DHRSX: variants seen among roughly 807,000 people sequenced by gnomAD.
DHRSX encodes polyprenol dehydrogenase.
A neutral mutation model predicts 34.0 loss-of-function variants in DHRSX; 31 were observed. The observed-to-expected ratio is 0.91, with a 90% CI of 0.69 to 1.23. The LOEUF is 1.23. DHRSX is among the 50% of genes most tolerant of loss of function. The pLI, the probability that DHRSX is intolerant of heterozygous loss-of-function variation, is 0.00. For synonymous variants in DHRSX, 201 were observed against 183.8 expected, an observed-to-expected ratio of 1.09 and a Z score of -0.76; for missense variants, 414 against 428.1, an observed-to-expected ratio of 0.97 and a Z score of 0.29.
chrX:2,431,100 T>A lies in DHRSX; in HGVS notation c.110-5796A>T, dbSNP rs754680527. Reference sequence around the variant, plus strand: ...CAGCACTTTGGGAGGCCGAGGCGGGTGGATCACGAGGTCAGGAGATCGACA... The same window carrying A: ...CAGCACTTTGGGAGGCCGAGGCGGGAGGATCACGAGGTCAGGAGATCGACA... On this transcript the variant is annotated intron_variant, in intron 1 of 6. Coordinates refer to ENST00000334651, the MANE Select transcript of DHRSX (RefSeq NM_145177.3). Among the ~76,000 whole-genome samples the A allele has an allele frequency of 6.6e-5, 10 of 151,196 alleles. No individual in the cohort carries two copies. The South Asian group carries it at 1.9e-3, about 28-fold the overall frequency.
chrX:2,264,258 CCAG>C (rs1175101884), intron 5 of DHRSX, among the ~76,000 whole-genome samples: 2 of 151,562 alleles, frequency 1.3e-5, no homozygotes, highest in African/African-American at 4.9e-5. Flanking sequence ...GCACCGCTAC[CCAG>C]CAGAAGCAGG....
intron 3 of DHRSX, among the ~76,000 whole-genome samples, chrX:2,341,905 A>C (rs1048473148): frequency 4.6e-5 from 7 of 152,092 alleles, no homozygotes; most frequent in Non-Finnish European, 1.0e-4. Flanking sequence ...CCTGGGTTCA[A>C]GTAACTCTCC....
chrX:2,328,750 T>G (rs35452537), intron 3 of DHRSX, among the ~76,000 whole-genome samples: 7,676 of 152,230 alleles, frequency 0.05, 680 homozygotes, highest in African/African-American at 0.17. Context: ...GCCTGTAGTA[T>G]TTTGTCATGG....
intron 1 of DHRSX, among the ~76,000 whole-genome samples, chrX:2,462,519 G>T (rs1479656399): frequency 1.5e-5 from 2 of 132,204 alleles, no homozygotes; most frequent in Non-Finnish European, 3.1e-5. Flanking sequence ...TGGGCAACAA[G>T]AGCAAAACTC....
intron 3 of DHRSX, among the ~76,000 whole-genome samples, chrX:2,354,927 G>A (rs2042830695): frequency 6.6e-6 from 1 of 152,102 alleles, no homozygotes; most frequent in South Asian, 2.1e-4. Flanking sequence ...ATGCCCGTAT[G>A]GAGGGAAAAT....
chrX:2,304,204 A>AATGGATGGATGGATGG (rs374906907), intron 3 of DHRSX, among the ~76,000 whole-genome samples: 1 of 62,048 alleles, frequency 1.6e-5, no homozygotes, highest in Admixed American at 1.8e-4. Context: ...TGGATGGATA[A>AATGGATGGATGGATGG]ATGGATGGAT....
intron 1 of DHRSX, among the ~76,000 whole-genome samples, chrX:2,456,634 G>T (rs1427529046): frequency 7.0e-6 from 1 of 142,302 alleles, no homozygotes; most frequent in Non-Finnish European, 1.5e-5. Flanking sequence ...AAAAAAAACA[G>T]CTGGATGAAG....
intron 3 of DHRSX, among the ~76,000 whole-genome samples, chrX:2,360,382 A>C (rs1243582175): frequency 6.6e-6 from 1 of 152,154 alleles, no homozygotes; most frequent in African/African-American, 2.4e-5. Flanking sequence ...CAGGAGTTCA[A>C]GACCAGCCTG....
intron 1 of DHRSX, among the ~76,000 whole-genome samples, chrX:2,481,168 T>C (rs2044765137): frequency 1.3e-5 from 2 of 152,294 alleles, no homozygotes; most frequent in African/African-American, 4.8e-5. Context: ...ACGTCGTACC[T>C]CCTATATATG....
intron 6 of DHRSX, among the ~76,000 whole-genome samples, chrX:2,234,122 C>T (rs1284429316): frequency 4.6e-5 from 7 of 152,220 alleles, no homozygotes; most frequent in Non-Finnish European, 1.0e-4. Context: ...TCCATGCACA[C>T]AGCTGGATCC....
intron 4 of DHRSX, among the ~76,000 whole-genome samples, chrX:2,282,450 T>G (rs913590157): frequency 4.6e-3 from 387 of 84,220 alleles, no homozygotes; most frequent in Middle Eastern, 0.021. Flanking sequence ...GGAGGAGAGA[T>G]GGGGGAAGGA....
At chrX:2,340,399 TC>T (rs932649898) in intron 3 of DHRSX, among the ~76,000 whole-genome samples, 1 of 152,032 alleles carries the variant, frequency 6.6e-6, no homozygotes, top group Non-Finnish European at 1.5e-5. Context: ...GTTAATTCAT[TC>T]TTTTTTGTGG....
rs1395540710 is a variant in DHRSX at position 2,445,974 on chromosome X, G to A, written c.110-20670C>T. On this transcript the variant is annotated intron_variant, in intron 1 of 6. Coordinates refer to ENST00000334651, the MANE Select transcript of DHRSX (RefSeq NM_145177.3). ...TTCCTAAGAATGTGGTCAAGGGACC[G>A]CACTGAAGACGTTCCCTAAGAATGC... 4.1e-5 allele frequency among the ~76,000 whole-genome samples: 6 copies of A among 145,138 alleles called. 1 individual carries two copies. The highest frequency in any genetic ancestry group is 1.0e-4 in the African/African-American group (4 of 39,240).
chrX:2,358,948 C>CG (rs2042892481), intron 3 of DHRSX, among the ~76,000 whole-genome samples: 3 of 119,062 alleles, frequency 2.5e-5, no homozygotes, highest in South Asian at 2.6e-4. Flanking sequence ...GACTCTGTCT[C>CG]GGAAAAAAAA....
chrX:2,260,595 G>A (rs67528609), intron 5 of DHRSX, among the ~76,000 whole-genome samples: 38,380 of 151,768 alleles, frequency 0.25, 6,346 homozygotes, highest in African/African-American at 0.45. Context: ...GAGTACCTGG[G>A]ATTACAGACG....
At chrX:2,360,316 G>A (rs1348577835) in intron 3 of DHRSX, among the ~76,000 whole-genome samples, 4 of 152,164 alleles carry the variant, frequency 2.6e-5, no homozygotes, top group Non-Finnish European at 5.9e-5. Context: ...CAGGCGTGGT[G>A]GCTCACGCCT....
Position 2,476,237 on chromosome X carries a change from C to A in DHRSX, c.109+24580G>T, listed in dbSNP as rs1472458493. Among the ~76,000 whole-genome samples the A allele has an allele frequency of 6.0e-5, 8 of 133,968 alleles. 1 individual carries two copies. In the East Asian group the frequency reaches 1.6e-3, roughly 26 times the overall value. 87.9% of individuals were successfully genotyped at this position (133,968 alleles called of 152,430 possible). On this transcript the variant is annotated intron_variant, in intron 1 of 6. Transcript: ENST00000334651. ...ACCCTGTCTCTACTAAAAACACACA[C>A]ACAAAAAAAAATTAGCCAGGCATGG... is the stretch of plus-strand genomic sequence containing the variant.
chrX:2,321,398 T>C (rs763067545), intron 3 of DHRSX, among the ~76,000 whole-genome samples: 2 of 152,212 alleles, frequency 1.3e-5, no homozygotes, highest in East Asian at 1.9e-4. Context: ...TGCTATGGAA[T>C]GAATGGTGTC....
intron 3 of DHRSX, among the ~76,000 whole-genome samples, chrX:2,349,870 C>A (rs1263821580): frequency 6.9e-6 from 1 of 144,080 alleles, no homozygotes; most frequent in Non-Finnish European, 1.6e-5. Context: ...AACCCCGTTT[C>A]CACTAAAAAT....
Sources: gnomAD v4.1 joint callset for allele counts (sites outside exome capture counted in the v4.1 genomes callset) on GRCh38, gnomAD v4.1.1 for gene constraint, MANE v1.5 for transcripts, NCBI Gene and HGNC (gene_info 2026-07-23, HGNC 2026-07-21) for gene names.